SPTLC3: variants seen among roughly 807,000 people sequenced by gnomAD.
SPTLC3 encodes serine palmitoyltransferase long chain base subunit 3.
SPTLC3 carries 36 observed loss-of-function variants against 59.3 expected under a neutral mutation model. The ratio of observed to expected loss-of-function variants is 0.61; its 90% confidence interval spans 0.47 to 0.80. The LOEUF (loss-of-function observed/expected upper bound fraction) is 0.80. Ranked by LOEUF, SPTLC3 falls within the 30% of genes least tolerant of loss-of-function variation. SPTLC3 has a pLI of 0.00. For synonymous variants in SPTLC3, 257 were observed against 240.8 expected (o/e 1.07, Z -0.62); for missense variants, 625 against 685.1 (o/e 0.91, Z 0.98).
At chr20:13,136,720 A>G (rs2038255749) in intron 9 of SPTLC3, among the ~76,000 whole-genome samples, 1 of 147,704 alleles carries the variant, frequency 6.8e-6, no homozygotes. Flanking sequence ...TATATATAAT[A>G]TATAAATAAA....
At chr20:13,036,644 A>G (rs1986747719) in intron 1 of SPTLC3, among the ~76,000 whole-genome samples, 1 of 152,144 alleles carries the variant, frequency 6.6e-6, no homozygotes, top group Admixed American at 6.6e-5. Context: ...TTGACTGCAC[A>G]GAAGGCCAGC....
At chr20:13,091,048 G>C (rs1989195778) in intron 4 of SPTLC3, 35 bp from the exon 5 acceptor site, 1 of 1,610,074 alleles carries the variant, frequency 6.2e-7, no homozygotes, top group African/African-American at 1.3e-5. Context: ...TTGTTGAAAA[G>C]AGAAGGCTCA....
intron 8 of SPTLC3, among the ~76,000 whole-genome samples, chr20:13,119,067 G>C (rs868511054): frequency 1.3e-5 from 2 of 152,206 alleles, no homozygotes. Context: ...CTGGTGAAAG[G>C]TTAAATGTTC....
rs548925392 is a variant in SPTLC3, at chr20:13,087,685, A to G, written c.608-3398A>G. ...ACACCATCATAGAATGTCTGACACT[A>G]TGGCCATCTATGATACTATTGTCAG... On this transcript the variant is annotated intron_variant, in intron 4 of 11. Transcript: ENST00000399002. 2.6e-5 allele frequency among the ~76,000 whole-genome samples: 4 copies of G among 152,320 alleles called. No individual in the cohort carries two copies. The East Asian group carries it at 5.8e-4, about 22-fold the overall frequency.
chr20:13,073,265 C>G (rs1988513809), intron 3 of SPTLC3, among the ~76,000 whole-genome samples: 2 of 152,106 alleles, frequency 1.3e-5, no homozygotes, highest in African/African-American at 2.4e-5. Context: ...ATGAGATCTG[C>G]CTTTTTAGCT....
chr20:13,125,941 G>A (rs1426432720), intron 8 of SPTLC3, among the ~76,000 whole-genome samples: 1 of 152,202 alleles, frequency 6.6e-6, no homozygotes, highest in Non-Finnish European at 1.5e-5. Context: ...AGCTATTTTT[G>A]TAAACACTGC....
At position 13,119,637 on chromosome 20, in the gene SPTLC3, C is replaced by T. The variant is rs113475516; in HGVS notation, c.1152+1912C>T. Reference sequence around the variant, plus strand: ...TTCCCTCTCCTCTCCCTCCTTTTTCCTCCCCACCTTTCTCTGTCTTCTCTT... The same window carrying T: ...TTCCCTCTCCTCTCCCTCCTTTTTCTTCCCCACCTTTCTCTGTCTTCTCTT... On this transcript the variant is annotated intron_variant, in intron 8 of 11. Transcript: ENST00000399002. Among the ~76,000 whole-genome samples, 263 of 152,236 alleles carry T rather than the reference C, an allele frequency of 1.7e-3. 3 individuals are homozygous for T. The highest frequency in any genetic ancestry group is 6.1e-3 in the African/African-American group (253 of 41,526).
At chr20:13,073,851 T>C (rs1474778211) in intron 3 of SPTLC3, 1 of 549,210 alleles carries the variant, frequency 1.8e-6, no homozygotes, top group East Asian at 4.5e-5. Context: ...TCAACTTCTC[T>C]TTTTCCTTTT....
intron 9 of SPTLC3, among the ~76,000 whole-genome samples, chr20:13,133,635 G>A (rs1241775566): frequency 6.6e-6 from 1 of 152,214 alleles, no homozygotes; most frequent in Non-Finnish European, 1.5e-5. Flanking sequence ...TCTGGAGACT[G>A]AGGCAAGAGA....
At chr20:13,096,445 A>T (rs554116948) in intron 6 of SPTLC3, among the ~76,000 whole-genome samples, 60 of 92,510 alleles carry the variant, frequency 6.5e-4, no homozygotes, top group Admixed American at 8.7e-4. Flanking sequence ...CTCCACAATT[A>T]AAAAAAAAAA....
At chr20:13,155,415 T>C (rs2038745665) in intron 10 of SPTLC3, among the ~76,000 whole-genome samples, 1 of 152,166 alleles carries the variant, frequency 6.6e-6, no homozygotes, top group African/African-American at 2.4e-5. Flanking sequence ...TAAAAGAGGT[T>C]TGGGTCTTAC....
chr20:13,033,600 G>C (rs1986598825), intron 1 of SPTLC3, among the ~76,000 whole-genome samples: 1 of 152,128 alleles, frequency 6.6e-6, no homozygotes, highest in Non-Finnish European at 1.5e-5. Flanking sequence ...CTAGCTGTGA[G>C]GAGGAGAGGT....
At chr20:13,083,619 A>G (rs1568593946) in intron 4 of SPTLC3, among the ~76,000 whole-genome samples, 1 of 152,220 alleles carries the variant, frequency 6.6e-6, no homozygotes, top group Non-Finnish European at 1.5e-5. Flanking sequence ...CCAAGGTCAC[A>G]TAGTTAATGA....
intron 1 of SPTLC3, among the ~76,000 whole-genome samples, chr20:13,027,450 A>C (rs1182596858): frequency 6.6e-6 from 1 of 151,940 alleles, no homozygotes; most frequent in East Asian, 1.9e-4. Context: ...ATAGAGACAG[A>C]GCTGGATAAT....
At chr20:13,094,392 T>C (rs7265976) in intron 6 of SPTLC3, among the ~76,000 whole-genome samples, 1 of 135,492 alleles carries the variant, frequency 7.4e-6, no homozygotes, top group Non-Finnish European at 1.7e-5. Flanking sequence ...TGTACATGCA[T>C]GCACACACAT....
At chr20:13,148,400 C>T (rs925076155) in intron 9 of SPTLC3, among the ~76,000 whole-genome samples, 1 of 152,130 alleles carries the variant, frequency 6.6e-6, no homozygotes, top group African/African-American at 2.4e-5. Flanking sequence ...TAGGTACACC[C>T]TTGATTTAAC....
chr20:13,109,891 T>C (rs1026317124), intron 6 of SPTLC3, among the ~76,000 whole-genome samples: 5 of 152,198 alleles, frequency 3.3e-5, no homozygotes, highest in Admixed American at 1.3e-4. Context: ...GGTGAGAGTT[T>C]ACTCTGCCTA....
chr20:13,072,203 T>G, intron 2 of SPTLC3, 53 bp from the exon 3 acceptor site: 1 of 1,545,756 alleles, frequency 6.5e-7, no homozygotes, highest in Non-Finnish European at 8.7e-7. Flanking sequence ...CAATTGTAAG[T>G]GAAATCCAGA....
At chr20:13,131,781 C>A (rs1600346482) in intron 9 of SPTLC3, among the ~76,000 whole-genome samples, 1 of 152,088 alleles carries the variant, frequency 6.6e-6, no homozygotes, top group African/African-American at 2.4e-5. Flanking sequence ...CCAAAATTAT[C>A]TTTTTTAAAA....
Sources: gnomAD v4.1 joint callset for allele counts (sites outside exome capture counted in the v4.1 genomes callset) on GRCh38, gnomAD v4.1.1 for gene constraint, MANE v1.5 for transcripts, NCBI Gene and HGNC (gene_info 2026-07-23, HGNC 2026-07-21) for gene names.